Variants in LMBR1 observed in about 807,000 individuals in gnomAD.
LMBR1 encodes limb development membrane protein 1.
LMBR1 carries 52 observed loss-of-function variants against 73.9 expected under a neutral mutation model. The ratio of observed to expected loss-of-function variants is 0.70; its 90% confidence interval spans 0.56 to 0.89. LMBR1 has a LOEUF of 0.89. Among genes scored for constraint, LMBR1 ranks in the 40% least tolerant of loss-of-function variants. The probability of loss-of-function intolerance (pLI) is 0.00; values close to 1 mark genes in which losing one functional copy is unlikely to be tolerated. For synonymous variants in LMBR1, 215 were observed against 209.4 expected, an observed-to-expected ratio of 1.03 and a Z score of -0.23; for missense variants, 539 against 579.8, an observed-to-expected ratio of 0.93 and a Z score of 0.72.
rs576622213 is a variant in LMBR1 at position 156,697,151 on chromosome 7, G to C, written c.1226-8960C>G. The stretch of plus-strand genomic sequence containing the variant: ...GATGCCCACCTGAGCCTCAAAACCA[G>C]CAAGTTTTTATTAAGGGTTTCAAAA... On this transcript the variant is annotated intron_variant, in intron 15 of 16. Coordinates refer to ENST00000353442, the MANE Select transcript of LMBR1 (RefSeq NM_022458.4). Among the ~76,000 whole-genome samples the C allele has an allele frequency of 1.3e-4, 20 of 152,260 alleles. No individual in the cohort carries two copies. In the South Asian group the frequency reaches 3.9e-3, roughly 30 times the overall value.
intron 1 of LMBR1, among the ~76,000 whole-genome samples, chr7:156,855,490 A>G (rs1796815724): frequency 6.6e-6 from 1 of 152,204 alleles, no homozygotes; most frequent in Admixed American, 6.5e-5. Flanking sequence ...GAAACAGAAT[A>G]GCCAAGAAGT....
downstream of LMBR1, among the ~76,000 whole-genome samples, chr7:156,676,069 G>A (rs994462251): frequency 6.6e-6 from 1 of 152,054 alleles, no homozygotes; most frequent in Non-Finnish European, 1.5e-5. Flanking sequence ...CAGTCCCGGG[G>A]TAACCGCTGC....
At position 156,682,545 on chromosome 7, in the gene LMBR1, G is replaced by A. The variant is rs1349589301; in HGVS notation, c.*1533C>T. 1.3e-5 allele frequency: 2 copies of A among 152,148 alleles called. No homozygotes were observed. Among genetic ancestry groups the A allele is most frequent in the Non-Finnish European group, 2.9e-5 (2 of 68,038 alleles). The allele number at this position is 152,148 out of a possible 1,614,324, so 9.4% of individuals were successfully genotyped here. On this transcript the variant is annotated 3_prime_UTR_variant, in exon 17 of 17. Transcript: ENST00000353442. ...GCTTGTTTAGAATCACAAAATGAAT[G>A]TTCTTTTATTTTAAAACCAAGCTGC...
chr7:156,834,892 A>G (rs1381179003), intron 2 of LMBR1, among the ~76,000 whole-genome samples: 1 of 152,048 alleles, frequency 6.6e-6, no homozygotes, highest in African/African-American at 2.4e-5. Context: ...CTGTAATTCC[A>G]ACACTTTGGG....
chr7:156,828,859 GC>G (rs1350243320), intron 3 of LMBR1, among the ~76,000 whole-genome samples: 1 of 152,104 alleles, frequency 6.6e-6, no homozygotes, highest in Non-Finnish European at 1.5e-5. Context: ...AATTCATGGT[GC>G]CCCACCCAAA....
Position 156,695,007 on chromosome 7 carries a change from A to G in LMBR1, c.1226-6816T>C, listed in dbSNP as rs778609343. On this transcript the variant is annotated intron_variant, in intron 15 of 16. Coordinates refer to ENST00000353442, the MANE Select transcript of LMBR1 (RefSeq NM_022458.4). The stretch of plus-strand genomic sequence containing the variant: ...CTTTCCAACATGTTTTATAGATTCA[A>G]TACAATCCCAGTCAAAATCCTAGCA... Among the ~76,000 whole-genome samples the G allele has an allele frequency of 2.6e-5, 4 of 152,376 alleles. No individual in the cohort carries two copies. In the East Asian group the frequency reaches 7.7e-4, roughly 29 times the overall value.
chr7:156,698,415 G>A (rs570298830), intron 15 of LMBR1, among the ~76,000 whole-genome samples: 93 of 152,320 alleles, frequency 6.1e-4, no homozygotes, highest in Admixed American at 5.9e-4. Flanking sequence ...TTTTCATTCC[G>A]TACTGCCCTA....
rs1400850666 is a variant in LMBR1 at position 156,852,845 on chromosome 7, A to AAACT, written c.67-15964_67-15961dup. Among the ~76,000 whole-genome samples, 5 of 152,386 alleles carry AAACT rather than the reference A, an allele frequency of 3.3e-5. No individual in the cohort carries two copies. In the South Asian group the frequency reaches 8.3e-4, roughly 25 times the overall value. On this transcript the variant is annotated intron_variant, in intron 1 of 16. Transcript: ENST00000353442. ...GAATGTCAACAGTGCCAACGTTGAG[A>AAACT]AACTCTGTTTTAGATTAACTGCCAA...
At chr7:156,687,215 T>G (rs1806172198) in intron 16 of LMBR1, among the ~76,000 whole-genome samples, 1 of 152,210 alleles carries the variant, frequency 6.6e-6, no homozygotes, top group African/African-American at 2.4e-5. Flanking sequence ...AGCCCCAGTA[T>G]GGAGTCATAT....
At chr7:156,675,557 A>G (rs920635654), downstream of LMBR1, 9 of 661,200 alleles carry the variant, frequency 1.4e-5, no homozygotes, top group African/African-American at 3.7e-5. Context: ...AAATAGACAT[A>G]TATCTATTTC....
chr7:156,761,933 C>T lies in LMBR1; in HGVS notation c.684+201G>A, dbSNP rs796096303. 8.9e-5 allele frequency among the ~76,000 whole-genome samples: 13 copies of T among 146,134 alleles called. 1 individual carries two copies. Among genetic ancestry groups the T allele is most frequent in the African/African-American group, 3.1e-4 (12 of 39,248 alleles). On this transcript the variant is annotated intron_variant, in intron 8 of 16. Coordinates refer to ENST00000353442, the MANE Select transcript of LMBR1 (RefSeq NM_022458.4). ...CGGAGCCTGCAGTGAGCCGAGATCG[C>T]ACCACTGCACTCCAGCCTGGGCGAC... is the stretch of plus-strand genomic sequence containing the variant.
At chr7:156,885,047 T>C (rs1174182769) in intron 1 of LMBR1, among the ~76,000 whole-genome samples, 1 of 151,730 alleles carries the variant, frequency 6.6e-6, no homozygotes, top group African/African-American at 2.4e-5. Context: ...TTCTAAAATC[T>C]CTGTTGTGTA....
chr7:156,877,688 T>C (rs1020371638), intron 1 of LMBR1, among the ~76,000 whole-genome samples: 8 of 151,782 alleles, frequency 5.3e-5, no homozygotes, highest in East Asian at 1.9e-4. Context: ...TCGAGACCAT[T>C]CTGGCTAACA....
chr7:156,767,173 A>AC (rs1563313263), intron 5 of LMBR1, among the ~76,000 whole-genome samples: 1 of 151,616 alleles, frequency 6.6e-6, no homozygotes, highest in Non-Finnish European at 1.5e-5. Flanking sequence ...AGCCGTACAG[A>AC]CCCCCCTGAG....
intron 15 of LMBR1, among the ~76,000 whole-genome samples, chr7:156,700,523 C>A (rs1809431006): frequency 6.6e-6 from 1 of 151,968 alleles, no homozygotes; most frequent in South Asian, 2.1e-4. Context: ...TGCACATGTA[C>A]CCTAAAACTT....
chr7:156,853,401 T>C (rs1169664424), intron 1 of LMBR1, among the ~76,000 whole-genome samples: 3 of 151,746 alleles, frequency 2.0e-5, no homozygotes, highest in Admixed American at 1.3e-4. Context: ...AACTACTTAA[T>C]GTTAAAAGAA....
At chr7:156,798,326 C>G (rs1230563118) in intron 4 of LMBR1, among the ~76,000 whole-genome samples, 1 of 152,152 alleles carries the variant, frequency 6.6e-6, no homozygotes, top group African/African-American at 2.4e-5. Context: ...GCTATCAGCT[C>G]CCACACCAAA....
chr7:156,748,959 T>C (rs1357476994), intron 9 of LMBR1, among the ~76,000 whole-genome samples: 1 of 152,224 alleles, frequency 6.6e-6, no homozygotes, highest in Non-Finnish European at 1.5e-5. Context: ...AAATAATTTC[T>C]ATGGGCCACA....
intron 16 of LMBR1, among the ~76,000 whole-genome samples, chr7:156,684,628 C>G (rs1235881257): frequency 1.3e-5 from 2 of 152,194 alleles, no homozygotes; most frequent in Non-Finnish European, 2.9e-5. Flanking sequence ...GGGAACCTAA[C>G]CCGAGACAGA....
Sources: gnomAD v4.1 joint callset for allele counts (sites outside exome capture counted in the v4.1 genomes callset) on GRCh38, gnomAD v4.1.1 for gene constraint, MANE v1.5 for transcripts, NCBI Gene and HGNC (gene_info 2026-07-23, HGNC 2026-07-21) for gene names.